Variants in GPC5 observed in about 807,000 individuals in gnomAD.
GPC5 encodes glypican-5.
Under a neutral mutation model 53.9 loss-of-function variants are expected in GPC5, and 47 were observed. The observed-to-expected ratio is 0.87, with a 90% CI of 0.69 to 1.11. The LOEUF is 1.11. GPC5 is among the 50% of genes most tolerant of loss of function. GPC5 has a pLI of 0.00. For synonymous variants in GPC5, 286 were observed against 263.3 expected (o/e 1.09, Z -0.84); for missense variants, 748 against 713.1 (o/e 1.05, Z -0.56).
At chr13:92,158,026 C>A (rs1484098966) in intron 7 of GPC5, among the ~76,000 whole-genome samples, 1 of 152,020 alleles carries the variant, frequency 6.6e-6, no homozygotes, top group Non-Finnish European at 1.5e-5. Context: ...AGAGAATGAT[C>A]CATTATATGG....
chr13:92,005,250 C>G (rs1354041784), intron 6 of GPC5, among the ~76,000 whole-genome samples: 1 of 152,194 alleles, frequency 6.6e-6, no homozygotes, highest in East Asian at 1.9e-4. Flanking sequence ...GAAAAGGGAG[C>G]CCAAGAAATT....
chr13:91,633,920 G>T (rs9301744), intron 2 of GPC5, among the ~76,000 whole-genome samples: 17,822 of 152,032 alleles, frequency 0.12, 1,619 homozygotes, highest in African/African-American at 0.24. Context: ...CTCATACTTA[G>T]AGTAAATTAG....
At chr13:91,916,059 C>CT (rs1386496761) in intron 6 of GPC5, among the ~76,000 whole-genome samples, 2 of 152,098 alleles carry the variant, frequency 1.3e-5, no homozygotes, top group African/African-American at 4.8e-5. Flanking sequence ...TAAATTCCAG[C>CT]TTTTATAGGC....
At chr13:92,541,533 A>G (rs1160831147) in intron 7 of GPC5, among the ~76,000 whole-genome samples, 1 of 151,648 alleles carries the variant, frequency 6.6e-6, no homozygotes, top group Admixed American at 6.6e-5. Flanking sequence ...TTCTTATTTT[A>G]GATACTAGTT....
intron 6 of GPC5, among the ~76,000 whole-genome samples, chr13:92,022,002 A>T (rs1195058058): frequency 1.3e-5 from 2 of 151,690 alleles, no homozygotes; most frequent in African/African-American, 4.8e-5. Flanking sequence ...ATTTTATTGT[A>T]TTTATTTATT....
chr13:92,349,524 G>GA (rs1006464566), intron 7 of GPC5, among the ~76,000 whole-genome samples: 2 of 150,144 alleles, frequency 1.3e-5, no homozygotes, highest in East Asian at 2.0e-4. Flanking sequence ...GTATTAACGA[G>GA]AAAAAAGACT....
intron 7 of GPC5, among the ~76,000 whole-genome samples, chr13:92,318,646 C>A (rs1362521109): frequency 1.3e-5 from 2 of 152,024 alleles, no homozygotes; most frequent in African/African-American, 2.4e-5. Context: ...AATACTGTTT[C>A]TGTTTAATGT....
chr13:92,355,556 G>C (rs541708222), intron 7 of GPC5, among the ~76,000 whole-genome samples: 3 of 152,088 alleles, frequency 2.0e-5, no homozygotes, highest in East Asian at 1.9e-4. Flanking sequence ...CATGCTCCCT[G>C]TTTTTCCCCT....
intron 6 of GPC5, among the ~76,000 whole-genome samples, chr13:91,935,725 G>A (rs537194991): frequency 3.9e-5 from 6 of 152,000 alleles, no homozygotes; most frequent in Non-Finnish European, 8.8e-5. Flanking sequence ...CATGGGAGGA[G>A]CATTCGTTTA....
chr13:92,354,041 A>T (rs1350985984), intron 7 of GPC5, among the ~76,000 whole-genome samples: 2 of 152,286 alleles, frequency 1.3e-5, no homozygotes, highest in African/African-American at 2.4e-5. Context: ...TGTCTTTGCC[A>T]CTTTTTCCAT....
intron 2 of GPC5, among the ~76,000 whole-genome samples, chr13:91,591,777 C>T (rs1001789091): frequency 6.6e-6 from 1 of 152,144 alleles, no homozygotes; most frequent in African/African-American, 2.4e-5. Context: ...AATTTTTTAG[C>T]TCTAGAAGTT....
intron 5 of GPC5, among the ~76,000 whole-genome samples, chr13:91,872,673 A>C (rs1016213452): frequency 6.6e-6 from 1 of 152,174 alleles, no homozygotes; most frequent in Non-Finnish European, 1.5e-5. Flanking sequence ...TCTCACAATA[A>C]GCATATAACA....
intron 2 of GPC5, among the ~76,000 whole-genome samples, chr13:91,449,440 G>A (rs1222741035): frequency 6.6e-6 from 1 of 152,014 alleles, no homozygotes; most frequent in Non-Finnish European, 1.5e-5. Flanking sequence ...GTGGTTTGCT[G>A]CACCCATCAG....
At chr13:92,673,525 A>G (rs1177430241) in intron 7 of GPC5, among the ~76,000 whole-genome samples, 6 of 152,068 alleles carry the variant, frequency 3.9e-5, no homozygotes, top group Middle Eastern at 3.4e-3. Flanking sequence ...CACCTCCCCA[A>G]CTGCTGGGAT....
intron 2 of GPC5, among the ~76,000 whole-genome samples, chr13:91,516,866 T>C (rs1885532045): frequency 6.6e-6 from 1 of 152,208 alleles, no homozygotes; most frequent in Non-Finnish European, 1.5e-5. Context: ...CTCAACACCA[T>C]GTGGAAGCTG....
intron 7 of GPC5, among the ~76,000 whole-genome samples, chr13:92,664,686 T>C (rs1886512096): frequency 6.6e-6 from 1 of 152,126 alleles, no homozygotes; most frequent in Non-Finnish European, 1.5e-5. Flanking sequence ...AACATTCAAT[T>C]TGGGCAAAGA....
At chr13:91,433,560 A>C (rs898616318) in intron 1 of GPC5, among the ~76,000 whole-genome samples, 10 of 152,164 alleles carry the variant, frequency 6.6e-5, no homozygotes, top group African/African-American at 2.2e-4. Context: ...ATAGTATTTC[A>C]TGGTGTATAT....
intron 2 of GPC5, among the ~76,000 whole-genome samples, chr13:91,579,624 C>CTTTTTTTT (rs3055895): frequency 8.8e-5 from 9 of 102,600 alleles, no homozygotes; most frequent in African/African-American, 2.0e-4. Flanking sequence ...TTTTCTTTTT[C>CTTTTTTTT]TTTTTTTTTT....
intron 7 of GPC5, among the ~76,000 whole-genome samples, chr13:92,201,233 T>G (rs1487470322): frequency 6.6e-6 from 1 of 152,210 alleles, no homozygotes; most frequent in Admixed American, 6.5e-5. Flanking sequence ...TGGACAAAGA[T>G]GTAAACTTTA....
Sources: allele counts gnomAD v4.1 joint callset (sites outside exome capture counted in the v4.1 genomes callset), GRCh38; gene constraint gnomAD v4.1.1; transcripts MANE v1.5; gene names NCBI Gene and HGNC (gene_info 2026-07-23, HGNC 2026-07-21).